Variants in MYOM2 observed in about 807,000 individuals in gnomAD.
The protein encoded by MYOM2 is myomesin-2.
A neutral mutation model predicts 187.6 loss-of-function variants in MYOM2; 254 were observed. The ratio of observed to expected loss-of-function variants is 1.35; its 90% CI spans 1.22 to 1.50. The LOEUF is 1.50. Ranked by LOEUF, MYOM2 falls within the 40% of genes most tolerant of loss-of-function variation. The pLI, the probability that MYOM2 is intolerant of heterozygous loss-of-function variation, is 0.00. For missense variants in MYOM2, 2,796 were observed against 1,924.0 expected (o/e 1.45, Z -8.48); for synonymous variants, 981 against 753.8 (o/e 1.30, Z -4.94).
At position 2,094,110 on chromosome 8, in the gene MYOM2, G is replaced by T. The variant is rs754925900; in HGVS notation, c.2125+19G>T. Reference sequence around the variant, plus strand: ...GCACTCAGTAAGTCACTCACAGGCTGTTGTGTGCCGATTGCTCCCATACAC... The same window carrying T: ...GCACTCAGTAAGTCACTCACAGGCTTTTGTGTGCCGATTGCTCCCATACAC... On this transcript the variant is annotated intron_variant, in intron 17 of 36. Coordinates refer to ENST00000262113, the MANE Select transcript of MYOM2 (RefSeq NM_003970.4). 6.2e-7 allele frequency: 1 copy of T among 1,613,604 alleles called. No individual in the cohort carries two copies. The highest frequency in any genetic ancestry group is 8.5e-7 in the Non-Finnish European group (1 of 1,179,852).
At chr8:2,138,848 A>T (rs1364343268) in intron 32 of MYOM2, among the ~76,000 whole-genome samples, 3 of 152,028 alleles carry the variant, frequency 2.0e-5, no homozygotes. Context: ...ATCCCACAAA[A>T]CCATCCCTGG....
intron 2 of MYOM2, among the ~76,000 whole-genome samples, chr8:2,051,554 G>A (rs938491964): frequency 2.6e-5 from 4 of 152,220 alleles, no homozygotes; most frequent in African/African-American, 7.2e-5. Flanking sequence ...GTTTAGAAAC[G>A]CTTAGGGTAC....
rs1324116113 is a variant in MYOM2, at chr8:2,145,074, G to T, written c.*93G>T. 1 of 1,370,476 alleles carries T rather than the reference G, an allele frequency of 7.3e-7. No individual in the cohort carries two copies. The highest frequency in any genetic ancestry group is 1.5e-5 in the African/African-American group (1 of 67,876). The allele number at this position is 1,370,476 out of a possible 1,614,324, so 84.9% of individuals were successfully genotyped here. ...CAAATGAGCAGCTGGCATCCGAGTGGTGTCCTGTGTGGGCTGATAGTTGAT... is the reference window on the plus strand; with the variant it reads ...CAAATGAGCAGCTGGCATCCGAGTGTTGTCCTGTGTGGGCTGATAGTTGAT... On this transcript the variant is annotated 3_prime_UTR_variant, in exon 37 of 37. Coordinates refer to ENST00000262113, the MANE Select transcript of MYOM2 (RefSeq NM_003970.4).
intron 32 of MYOM2, among the ~76,000 whole-genome samples, chr8:2,135,535 C>A (rs2116902511): frequency 6.6e-6 from 1 of 152,280 alleles, no homozygotes; most frequent in Admixed American, 6.5e-5. Context: ...CCTTACCTGT[C>A]TCCTTCCTAC....
At chr8:2,086,838 T>C (rs1158546772) in intron 14 of MYOM2, among the ~76,000 whole-genome samples, 7 of 152,096 alleles carry the variant, frequency 4.6e-5, no homozygotes, top group Non-Finnish European at 8.8e-5. Context: ...TCGATGGCCA[T>C]GCTTGTGCAC....
At chr8:2,133,230 C>T (rs1032486420) in intron 32 of MYOM2, among the ~76,000 whole-genome samples, 1 of 152,222 alleles carries the variant, frequency 6.6e-6, no homozygotes, top group Non-Finnish European at 1.5e-5. Context: ...CAAAGGAGGT[C>T]TGCATTCCTC....
chr8:2,106,083 C>G (rs1032305777), intron 21 of MYOM2, among the ~76,000 whole-genome samples, 159 bp from the exon 22 acceptor site: 4 of 151,802 alleles, frequency 2.6e-5, no homozygotes, highest in Non-Finnish European at 5.9e-5. Flanking sequence ...GGAAACCACC[C>G]CCGTGATCCA....
intron 21 of MYOM2, among the ~76,000 whole-genome samples, chr8:2,103,802 G>A (rs1462801784): frequency 1.3e-5 from 2 of 151,812 alleles, no homozygotes; most frequent in African/African-American, 2.4e-5. Context: ...GTATGTATAG[G>A]TATATGGATA....
chr8:2,063,487 T>G (rs1381250177), intron 6 of MYOM2, among the ~76,000 whole-genome samples: 1 of 152,250 alleles, frequency 6.6e-6, no homozygotes, highest in Non-Finnish European at 1.5e-5. Context: ...GAGCCCTCAT[T>G]CTTCAAAGAA....
intron 13 of MYOM2, among the ~76,000 whole-genome samples, chr8:2,081,370 A>T (rs1185204586): frequency 6.2e-5 from 8 of 129,664 alleles, no homozygotes; most frequent in African/African-American, 1.5e-4. Flanking sequence ...ATGTAGAATG[A>T]GGTTTGGTTC....
intron 32 of MYOM2, among the ~76,000 whole-genome samples, chr8:2,134,720 G>A (rs548490312): frequency 6.6e-6 from 1 of 152,134 alleles, no homozygotes; most frequent in South Asian, 2.1e-4. Flanking sequence ...TGCTCAAATT[G>A]TTCCAGCTCT....
chr8:2,046,982 T>C (rs56331833), intron 1 of MYOM2, among the ~76,000 whole-genome samples: 51,492 of 152,002 alleles, frequency 0.34, 9,355 homozygotes, highest in East Asian at 0.64. Flanking sequence ...TGAGCGCTGG[T>C]ATGACTCTCA....
intron 31 of MYOM2, among the ~76,000 whole-genome samples, chr8:2,124,420 G>A (rs1797564579): frequency 1.3e-5 from 2 of 152,150 alleles, no homozygotes; most frequent in Non-Finnish European, 2.9e-5. Flanking sequence ...TGGAGTTTGA[G>A]TTTTACTTTA....
In MYOM2 at chr8:2,118,219, A is replaced by C. The variant is rs1401673016; in HGVS notation, c.3453+267A>C. Among the ~76,000 whole-genome samples the C allele has an allele frequency of 2.6e-5, 4 of 152,158 alleles. No individual in the cohort carries two copies. In the East Asian group the frequency reaches 7.7e-4, roughly 29 times the overall value. ...GGATTATAAAAATTTTACTTAAACGATTATTAAGTGAGTTTATGAGAAAGT... is the reference window on the plus strand; with the variant it reads ...GGATTATAAAAATTTTACTTAAACGCTTATTAAGTGAGTTTATGAGAAAGT... On this transcript the variant is annotated intron_variant, in intron 28 of 36. Coordinates refer to ENST00000262113, the MANE Select transcript of MYOM2 (RefSeq NM_003970.4).
chr8:2,120,451 G>C (rs1000844352), intron 28 of MYOM2, among the ~76,000 whole-genome samples: 8 of 151,136 alleles, frequency 5.3e-5, no homozygotes, highest in African/African-American at 7.3e-5. Flanking sequence ...GTGCGTGCCT[G>C]TGGAGCAGAG....
chr8:2,056,876 G>C (rs996121350), intron 3 of MYOM2, among the ~76,000 whole-genome samples: 1 of 152,164 alleles, frequency 6.6e-6, no homozygotes, highest in Non-Finnish European at 1.5e-5. Context: ...TTCCCGAGTT[G>C]CCCTGTCTTT....
At chr8:2,138,647 C>T (rs1272616682) in intron 32 of MYOM2, among the ~76,000 whole-genome samples, 3 of 152,208 alleles carry the variant, frequency 2.0e-5, no homozygotes, top group African/African-American at 7.2e-5. Context: ...GCGGCACGAA[C>T]TCGCTCCCAC....
chr8:2,078,921 A>G lies in MYOM2; in HGVS notation c.1450A>G (p.Arg484Gly). The G allele has an allele frequency of 1.9e-6, 3 of 1,613,870 alleles. No individual in the cohort carries two copies. Among genetic ancestry groups the G allele is most frequent in the East Asian group, 2.2e-5 (1 of 44,880 alleles). Residue 484 changes from arginine (R) to glycine (G), a missense_variant, in exon 12 of 37, where the codon AGA (arginine) becomes GGA (glycine). Transcript: ENST00000262113. ...AVAALDPLDLRRLQAVHLEGE... is the reference protein window; with the variant it reads ...AVAALDPLDLGRLQAVHLEGE... ...GGCTGCACTTGACCCCTTGGACCTCAGAAGGTTACAAGGTAAGCTGCTCAC... is the reference window on the plus strand; with the variant it reads ...GGCTGCACTTGACCCCTTGGACCTCGGAAGGTTACAAGGTAAGCTGCTCAC...
intron 8 of MYOM2, among the ~76,000 whole-genome samples, chr8:2,070,133 C>G (rs535814348): frequency 6.6e-6 from 1 of 152,174 alleles, no homozygotes; most frequent in Admixed American, 6.5e-5. Context: ...GAGGCGGTCC[C>G]CATGAGGGCA....
Sources: allele counts gnomAD v4.1 joint callset (sites outside exome capture counted in the v4.1 genomes callset), GRCh38; gene constraint gnomAD v4.1.1; transcripts MANE v1.5; gene names NCBI Gene and HGNC (gene_info 2026-07-23, HGNC 2026-07-21).